CLCA2: variants seen among roughly 807,000 people sequenced by gnomAD.
The protein encoded by CLCA2 is calcium-activated chloride channel regulator 2.
A neutral mutation model predicts 82.9 loss-of-function variants in CLCA2; 85 were observed. The observed-to-expected ratio is 1.03, with a 90% CI of 0.86 to 1.23. The LOEUF (loss-of-function observed/expected upper bound fraction) is 1.23. CLCA2 is among the 50% of genes most tolerant of loss of function. The pLI, the probability that CLCA2 is intolerant of heterozygous loss-of-function variation, is 0.00. For missense variants in CLCA2, 1,089 were observed against 1,124.8 expected (o/e 0.97, Z 0.45); for synonymous variants, 421 against 391.7 (o/e 1.07, Z -0.88).
intron 10 of CLCA2, 115 bp from the exon 11 acceptor site, chr1:86,447,393 A>G (rs908702404): frequency 1.9e-6 from 2 of 1,070,828 alleles, no homozygotes; most frequent in African/African-American, 1.6e-5. Flanking sequence ...AGTATTTTAA[A>G]AAGTGCAACA....
At chr1:86,448,697 C>T (rs1294706327) in intron 11 of CLCA2, among the ~76,000 whole-genome samples, 1 of 152,206 alleles carries the variant, frequency 6.6e-6, no homozygotes, top group Non-Finnish European at 1.5e-5. Flanking sequence ...CTTGCCATGG[C>T]AATCATGTAT....
chr1:86,454,966 C>T (rs1396916572), intron 13 of CLCA2, 119 bp from the exon 14 acceptor site: 4 of 545,652 alleles, frequency 7.3e-6, no homozygotes, highest in Non-Finnish European at 1.2e-5. Flanking sequence ...TCATATTTCT[C>T]GTTATGTTTA....
In CLCA2 at chr1:86,424,395, C is replaced by T. The variant is rs777970022; in HGVS notation, c.148C>T (p.Gln50Ter). The T allele has an allele frequency of 5.0e-6, 8 of 1,611,438 alleles. No homozygotes were observed. The Admixed American group carries it at 8.4e-5, about 17-fold the overall frequency. ...YNGLLIAINP[Q>*]VPENQNLISN... ...TGGATTGCTCATTGCAATTAATCCT[C>T]AGGTACCTGAGAATCAGAACCTCAT... Residue 50 changes from glutamine (Q) to a stop codon, truncating the protein, a stop_gained, in exon 1 of 14, where the codon CAG becomes TAG. Coordinates refer to ENST00000370565, the MANE Select transcript of CLCA2 (RefSeq NM_006536.7). LOFTEE classifies it high-confidence loss of function.
intron 11 of CLCA2, among the ~76,000 whole-genome samples, chr1:86,449,824 G>C (rs1387372582): frequency 5.9e-5 from 9 of 152,290 alleles, no homozygotes; most frequent in African/African-American, 1.9e-4. Context: ...TCCCTCTGCT[G>C]CCCTGGGGTC....
At chr1:86,452,684 C>G (rs143042697) in intron 12 of CLCA2, among the ~76,000 whole-genome samples, 2 of 152,170 alleles carry the variant, frequency 1.3e-5, no homozygotes, top group Admixed American at 1.3e-4. Context: ...CTTTAGGAAG[C>G]CTTTCAATGT....
chr1:86,442,469 C>G (rs541757693), intron 9 of CLCA2, among the ~76,000 whole-genome samples: 9 of 152,120 alleles, frequency 5.9e-5, no homozygotes, highest in Non-Finnish European at 8.8e-5. Context: ...AAACTTGCCC[C>G]CCTCCCGACA....
At position 86,443,869 on chromosome 1, in the gene CLCA2, CTA is replaced by C. The variant is rs1662790969; in HGVS notation, c.1573_1574del (p.Met525ValfsTer12). On this transcript the variant is annotated frameshift_variant, in exon 10 of 14. Transcript: ENST00000370565. LOFTEE classifies it high-confidence loss of function. ...GTGGATAATACTGTGGGCAACGACA[CTA>C]TGTTTCTAGTTACGTGGCAGGCCAG... 1.2e-6 allele frequency: 2 copies of C among 1,614,046 alleles called. No homozygotes were observed.
At chr1:86,450,518 C>A (rs1470685502) in intron 11 of CLCA2, 45 bp from the exon 12 acceptor site, 3 of 1,434,492 alleles carry the variant, frequency 2.1e-6, no homozygotes, top group Non-Finnish European at 2.9e-6. Context: ...TATTAGTAAT[C>A]TACTATAATA....
chr1:86,435,152 A>T (rs578095169), intron 6 of CLCA2, among the ~76,000 whole-genome samples: 1 of 152,112 alleles, frequency 6.6e-6, no homozygotes, highest in East Asian at 1.9e-4. Flanking sequence ...GGAGGAGGCA[A>T]AAGGTTTGGA....
intron 12 of CLCA2, 51 bp downstream of exon 12, chr1:86,450,784 C>G: frequency 2.7e-6 from 4 of 1,475,404 alleles, no homozygotes; most frequent in Non-Finnish European, 3.7e-6. Flanking sequence ...ATGTACATAT[C>G]TCTGATGGGT....
At position 86,432,534 on chromosome 1, in the gene CLCA2, T is replaced by A; in HGVS notation, c.744+6T>A. On this transcript the variant is annotated splice_donor_region_variant and intron_variant, in intron 5 of 13. Coordinates refer to ENST00000370565, the MANE Select transcript of CLCA2 (RefSeq NM_006536.7). Reference sequence around the variant, plus strand: ...TCATGCAAAGTTTATCTTCTGTAAGTATGCCCTTGGAATGACACACTCTTG... The same window carrying A: ...TCATGCAAAGTTTATCTTCTGTAAGAATGCCCTTGGAATGACACACTCTTG... The A allele has an allele frequency of 6.2e-7, 1 of 1,613,014 alleles. No homozygotes were observed. Among genetic ancestry groups the A allele is most frequent in the Non-Finnish European group, 8.5e-7 (1 of 1,179,554 alleles).
chr1:86,428,685 A>C, intron 3 of CLCA2, 117 bp downstream of exon 3: 1 of 1,174,434 alleles, frequency 8.5e-7, no homozygotes. Flanking sequence ...TTACCACTCA[A>C]AGGGGGAGAT....
rs1663077366 is a variant in CLCA2, at chr1:86,456,338, AG to A, written c.*814del. 6.6e-6 allele frequency: 1 copy of A among 152,224 alleles called. No individual in the cohort carries two copies. Among genetic ancestry groups the A allele is most frequent in the African/African-American group, 2.4e-5 (1 of 41,448 alleles). 9.4% of individuals were successfully genotyped at this position (152,224 alleles called of 1,614,324 possible). A position where few individuals can be genotyped will look rare whatever the true frequency, so the allele number is the denominator to read the frequency against. On this transcript the variant is annotated 3_prime_UTR_variant, in exon 14 of 14. Transcript: ENST00000370565. The stretch of plus-strand genomic sequence containing the variant: ...CAATTAAACCAAAGAAGAGGTCAGC[AG>A]GGAGATACTAACCTTTGGAAATGAT...
intron 11 of CLCA2, chr1:86,448,150 T>A (rs1662893923): frequency 5.6e-6 from 1 of 178,022 alleles, no homozygotes. Flanking sequence ...CAGATTGGAC[T>A]GTTAAAATAG....
In CLCA2 at chr1:86,453,526, C is replaced by T. The variant is rs774050488; in HGVS notation, c.2313C>T (p.Asp771=). ...TGTTTCCACCATGCAAAATTATTGA[C>T]CTGGAAGCTGTAAAAGTAGAAGAGG... ...PDVFPPCKII[D]LEAVKVEEEL... The change falls in exon 13 of 14, where the codon GAC becomes GAT. Residue 771 remains aspartate, a synonymous_variant. Coordinates refer to ENST00000370565, the MANE Select transcript of CLCA2 (RefSeq NM_006536.7). 6 of 1,613,986 alleles carry T rather than the reference C, an allele frequency of 3.7e-6. No homozygotes were observed. Among genetic ancestry groups the T allele is most frequent in the Non-Finnish European group, 5.1e-6 (6 of 1,180,018 alleles).
intron 10 of CLCA2, among the ~76,000 whole-genome samples, chr1:86,446,894 A>C (rs1662865237): frequency 6.6e-6 from 1 of 152,196 alleles, no homozygotes; most frequent in Non-Finnish European, 1.5e-5. Context: ...AGTGTTTAGC[A>C]GTATTTCTAT....
In CLCA2 at chr1:86,440,183, T is replaced by G. The variant is rs770238442; in HGVS notation, c.1239T>G (p.Ser413=). 2 of 1,614,040 alleles carry G rather than the reference T, an allele frequency of 1.2e-6. No individual in the cohort carries two copies. Among genetic ancestry groups the G allele is most frequent in the Admixed American group, 1.7e-5 (1 of 59,996 alleles). Residue 413 remains serine (S), a synonymous_variant, in exon 8 of 14, where the codon TCT becomes TCG. Coordinates refer to ENST00000370565, the MANE Select transcript of CLCA2 (RefSeq NM_006536.7). ...VEKLNGKAYG[S]VMILVTSGDD... The stretch of plus-strand genomic sequence containing the variant: ...AACTGAATGGAAAAGCTTATGGCTC[T>G]GTGATGATATTAGTGACCAGCGGAG...
intron 7 of CLCA2, among the ~76,000 whole-genome samples, chr1:86,439,586 C>A (rs943133534): frequency 2.0e-5 from 3 of 152,158 alleles, no homozygotes; most frequent in African/African-American, 7.2e-5. Context: ...TTTAAATCAA[C>A]ACAAGTTTGC....
chr1:86,428,647 C>A, intron 3 of CLCA2, 79 bp downstream of exon 3: 1 of 1,492,914 alleles, frequency 6.7e-7, no homozygotes, highest in Non-Finnish European at 9.1e-7. Flanking sequence ...AAGGGACTCA[C>A]TCACAAAACC....
Sources: gnomAD v4.1 joint callset for allele counts (sites outside exome capture counted in the v4.1 genomes callset) on GRCh38, gnomAD v4.1.1 for gene constraint, MANE v1.5 for transcripts, NCBI Gene and HGNC (gene_info 2026-07-23, HGNC 2026-07-21) for gene names.